Variants in GALNT11 observed in about 807,000 individuals in gnomAD.
GALNT11 encodes the protein UDP-GalNAc:polypeptide N-acetylgalactosaminyltransferase 11.
A neutral mutation model predicts 72.7 loss-of-function variants in GALNT11; 47 were observed. The ratio of observed to expected loss-of-function variants is 0.65; its 90% CI spans 0.51 to 0.82. GALNT11 has a LOEUF of 0.82. GALNT11 is among the 40% of genes least tolerant of loss of function. The pLI is 0.00. For missense variants in GALNT11, 677 were observed against 778.4 expected (o/e 0.87, Z 1.55); for synonymous variants, 270 against 286.6 (o/e 0.94, Z 0.58).
At chr7:152,118,924 G>A (rs1302003540) in intron 10 of GALNT11, 142 bp downstream of exon 10, 1 of 578,692 alleles carries the variant, frequency 1.7e-6, no homozygotes, top group Admixed American at 4.0e-5. Context: ...TTGCGTTATT[G>A]GAACGCTAAG....
rs1280210241 is a variant in GALNT11, at chr7:152,076,868, G to A, written c.-38-17322G>A. On this transcript the variant is annotated intron_variant, in intron 1 of 11. Transcript: ENST00000430044. The stretch of plus-strand genomic sequence containing the variant: ...CTGTCAGCTTTCTAAACCTGTTGAG[G>A]TGGTAGATTCTCAGAAATTAATTTT... 3.9e-5 allele frequency among the ~76,000 whole-genome samples: 6 copies of A among 152,232 alleles called. No individual in the cohort carries two copies. In the South Asian group the frequency reaches 1.2e-3, roughly 32 times the overall value.
intron 1 of GALNT11, among the ~76,000 whole-genome samples, chr7:152,090,108 G>A: frequency 6.6e-6 from 1 of 152,174 alleles, no homozygotes; most frequent in Admixed American, 6.5e-5. Flanking sequence ...ATAGGGAGGG[G>A]CTGTTATCAT....
At chr7:152,053,835 A>G (rs1402020680) in intron 1 of GALNT11, among the ~76,000 whole-genome samples, 1 of 152,250 alleles carries the variant, frequency 6.6e-6, no homozygotes, top group Non-Finnish European at 1.5e-5. Context: ...TTTTGTCTGC[A>G]CAAAAATAAA....
chr7:152,073,146 G>A (rs940576412), intron 1 of GALNT11, among the ~76,000 whole-genome samples: 6 of 152,034 alleles, frequency 3.9e-5, no homozygotes, highest in Admixed American at 3.3e-4. Flanking sequence ...TCATTTCTTT[G>A]TGTTGGGAAC....
chr7:152,043,994 T>C (rs555391476), intron 1 of GALNT11, among the ~76,000 whole-genome samples: 45 of 152,302 alleles, frequency 3.0e-4, no homozygotes, highest in Middle Eastern at 6.8e-3. Flanking sequence ...CTCCAACTGT[T>C]GCTCTGGTGA....
intron 3 of GALNT11, among the ~76,000 whole-genome samples, chr7:152,101,319 G>C (rs947818228): frequency 1.1e-4 from 17 of 151,950 alleles, no homozygotes; most frequent in African/African-American, 4.1e-4. Context: ...TCGTGCATGT[G>C]GTCAGTCATT....
chr7:152,080,342 T>C (rs1298091416), intron 1 of GALNT11, among the ~76,000 whole-genome samples: 3 of 152,224 alleles, frequency 2.0e-5, no homozygotes, highest in Admixed American at 6.5e-5. Context: ...TCCATAGTTG[T>C]TCTTATATTT....
At chr7:152,118,803 C>T in intron 10 of GALNT11, 21 bp downstream of exon 10, 1 of 1,586,354 alleles carries the variant, frequency 6.3e-7, no homozygotes, top group South Asian at 1.1e-5. Context: ...CCTCGGGGCT[C>T]ACAGCCAGTG....
At chr7:152,044,785 C>A (rs1438570510) in intron 1 of GALNT11, among the ~76,000 whole-genome samples, 2 of 151,454 alleles carry the variant, frequency 1.3e-5, no homozygotes, top group African/African-American at 4.9e-5. Flanking sequence ...TTATTTTATT[C>A]TCTTGTCTGA....
At chr7:152,111,038 C>G (rs2088131691) in intron 7 of GALNT11, among the ~76,000 whole-genome samples, 1 of 152,002 alleles carries the variant, frequency 6.6e-6, no homozygotes, top group South Asian at 2.1e-4. Context: ...GCTACTTTGT[C>G]AGAATCTGTG....
At chr7:152,100,306 G>A (rs568762880) in intron 2 of GALNT11, among the ~76,000 whole-genome samples, 7 of 152,028 alleles carry the variant, frequency 4.6e-5, no homozygotes, top group Non-Finnish European at 7.4e-5. Flanking sequence ...GGTGTCTCAC[G>A]CCTGTAATCC....
At chr7:152,053,616 A>AT (rs2083503208) in intron 1 of GALNT11, among the ~76,000 whole-genome samples, 1 of 152,098 alleles carries the variant, frequency 6.6e-6, no homozygotes, top group Non-Finnish European at 1.5e-5. Context: ...TTTCTTTACG[A>AT]TTTTTTTCCT....
intron 1 of GALNT11, chr7:152,027,845 CT>C: frequency 6.3e-6 from 1 of 159,342 alleles, no homozygotes; most frequent in Non-Finnish European, 1.4e-5. Context: ...AGCCGCAGAC[CT>C]TTGCAGTGAG....
chr7:152,044,928 A>G (rs192907968), intron 1 of GALNT11, among the ~76,000 whole-genome samples: 5 of 152,078 alleles, frequency 3.3e-5, no homozygotes, highest in Admixed American at 6.6e-5. Context: ...GGTTTATTGT[A>G]TATGGCTTTT....
intron 5 of GALNT11, among the ~76,000 whole-genome samples, chr7:152,105,764 T>C (rs2087471952): frequency 6.6e-6 from 1 of 152,254 alleles, no homozygotes; most frequent in Non-Finnish European, 1.5e-5. Context: ...ACTATGCTTT[T>C]AACTCTTAGT....
chr7:152,110,552 G>A lies in GALNT11; in HGVS notation c.987G>A (p.Leu329=), dbSNP rs2088070480. The change falls in exon 7 of 12, where the codon TTG becomes TTA. Residue 329 remains leucine (L), a synonymous_variant. Transcript: ENST00000430044. ...GGTCACCAACAATGGCTGGAGGTTT[G>A]TTTGCCATGAACAGACAGTATTTCC... ...PIKSPTMAGG[L]FAMNRQYFHE... 1.2e-6 allele frequency: 2 copies of A among 1,613,498 alleles called. No homozygotes were observed. The highest frequency in any genetic ancestry group is 1.7e-6 in the Non-Finnish European group (2 of 1,179,884).
chr7:152,101,284 T>G (rs2086860364), intron 3 of GALNT11, among the ~76,000 whole-genome samples: 2 of 152,192 alleles, frequency 1.3e-5, no homozygotes, highest in African/African-American at 4.8e-5. Context: ...TTCTCTTTCA[T>G]TGTTTTTTTT....
chr7:152,114,338 G>A (rs1480929410), intron 8 of GALNT11, among the ~76,000 whole-genome samples: 1 of 152,042 alleles, frequency 6.6e-6, no homozygotes, highest in Non-Finnish European at 1.5e-5. Flanking sequence ...TCTACTCCTT[G>A]TCTCTACTTA....
intron 8 of GALNT11, 55 bp from the exon 9 acceptor site, chr7:152,117,102 T>C (rs1416557903): frequency 1.4e-6 from 2 of 1,457,588 alleles, no homozygotes; most frequent in Non-Finnish European, 1.9e-6. Context: ...TATAGTTGTA[T>C]CATCATTTTT....
Sources: gnomAD v4.1 joint callset for allele counts (sites outside exome capture counted in the v4.1 genomes callset) on GRCh38, gnomAD v4.1.1 for gene constraint, MANE v1.5 for transcripts, NCBI Gene and HGNC (gene_info 2026-07-23, HGNC 2026-07-21) for gene names.